Variants in FBXL7 observed in about 807,000 individuals in gnomAD.
FBXL7 encodes F-box and leucine rich repeat protein 7, also known as F-box/LRR-repeat protein 7.
A neutral mutation model predicts 38.3 loss-of-function variants in FBXL7; 12 were observed. That is an observed-to-expected ratio of 0.31 (90% CI 0.20 to 0.51). The LOEUF (loss-of-function observed/expected upper bound fraction) is 0.51, where lower values mean the gene tolerates loss of function less well. Ranked by LOEUF, FBXL7 falls within the 20% of genes least tolerant of loss-of-function variation. The pLI is 0.98. For missense variants in FBXL7, 567 were observed against 676.4 expected (o/e 0.84, Z 1.79); for synonymous variants, 297 against 300.9 (o/e 0.99, Z 0.13).
intron 1 of FBXL7, among the ~76,000 whole-genome samples, chr5:15,531,930 A>T (rs1277640342): frequency 6.6e-6 from 1 of 152,220 alleles, no homozygotes; most frequent in Non-Finnish European, 1.5e-5. Flanking sequence ...TTCAGGATTA[A>T]GAGTGTGTGA....
At chr5:15,536,814 G>A (rs1299919806) in intron 1 of FBXL7, among the ~76,000 whole-genome samples, 1 of 151,972 alleles carries the variant, frequency 6.6e-6, no homozygotes, top group African/African-American at 2.4e-5. Flanking sequence ...AAATATGAGA[G>A]GGATACGAGA....
intron 2 of FBXL7, among the ~76,000 whole-genome samples, chr5:15,670,951 T>C (rs968402300): frequency 6.6e-6 from 1 of 152,214 alleles, no homozygotes; most frequent in Admixed American, 6.5e-5. Flanking sequence ...TCAGCTCTTA[T>C]ACCCTGGTGG....
intron 2 of FBXL7, among the ~76,000 whole-genome samples, chr5:15,824,850 A>G (rs895836774): frequency 1.3e-5 from 2 of 152,192 alleles, no homozygotes; most frequent in African/African-American, 4.8e-5. Context: ...AAACTTTCAT[A>G]GCTTGAAGAC....
chr5:15,772,836 T>A (rs1736762280), intron 2 of FBXL7, among the ~76,000 whole-genome samples: 1 of 152,202 alleles, frequency 6.6e-6, no homozygotes, highest in African/African-American at 2.4e-5. Flanking sequence ...TACAGTCTTT[T>A]AGCTCTTCTT....
At chr5:15,821,316 A>C (rs1449763408) in intron 2 of FBXL7, among the ~76,000 whole-genome samples, 34 of 152,114 alleles carry the variant, frequency 2.2e-4, no homozygotes, top group Admixed American at 2.2e-3. Flanking sequence ...CCTGTTGTGA[A>C]GATTTCTTTT....
At chr5:15,836,778 T>C (rs1475059678) in intron 2 of FBXL7, among the ~76,000 whole-genome samples, 1 of 152,196 alleles carries the variant, frequency 6.6e-6, no homozygotes, top group East Asian at 1.9e-4. Flanking sequence ...GACTGGCCTG[T>C]GTCAGGTTTC....
At chr5:15,841,930 CA>C (rs1738759634) in intron 2 of FBXL7, among the ~76,000 whole-genome samples, 1 of 152,266 alleles carries the variant, frequency 6.6e-6, no homozygotes. Flanking sequence ...AGGTCTGTTT[CA>C]GGGGCGGAGC....
chr5:15,700,643 G>C (rs1286531258), intron 2 of FBXL7, among the ~76,000 whole-genome samples: 1 of 152,168 alleles, frequency 6.6e-6, no homozygotes, highest in Non-Finnish European at 1.5e-5. Context: ...CAGAAACACT[G>C]AGTTGCAGAT....
chr5:15,792,047 T>C (rs1737291415), intron 2 of FBXL7, among the ~76,000 whole-genome samples: 1 of 152,152 alleles, frequency 6.6e-6, no homozygotes, highest in Admixed American at 6.5e-5. Flanking sequence ...AATCACTGTG[T>C]CATCTTGGAG....
chr5:15,695,475 A>G (rs1282732030), intron 2 of FBXL7, among the ~76,000 whole-genome samples: 4 of 152,120 alleles, frequency 2.6e-5, no homozygotes, highest in African/African-American at 9.7e-5. Flanking sequence ...CCCAGTTCCC[A>G]TCGACAGTCC....
intron 2 of FBXL7, among the ~76,000 whole-genome samples, chr5:15,681,646 CT>C (rs1742848633): frequency 6.6e-6 from 1 of 152,056 alleles, no homozygotes; most frequent in Admixed American, 6.6e-5. Context: ...AACAAAACTG[CT>C]TTTATTTAGA....
At chr5:15,671,499 T>C (rs1333054809) in intron 2 of FBXL7, among the ~76,000 whole-genome samples, 1 of 152,172 alleles carries the variant, frequency 6.6e-6, no homozygotes, top group African/African-American at 2.4e-5. Flanking sequence ...GGCTAATAAA[T>C]ATTCTTAGTT....
chr5:15,747,757 T>G (rs924455), intron 2 of FBXL7, among the ~76,000 whole-genome samples: 1 of 151,812 alleles, frequency 6.6e-6, no homozygotes, highest in South Asian at 2.1e-4. Flanking sequence ...GGATCCAGGT[T>G]TTCCATCTGT....
intron 2 of FBXL7, among the ~76,000 whole-genome samples, chr5:15,708,943 T>C (rs9790923): frequency 0.053 from 8,057 of 152,270 alleles, 231 homozygotes; most frequent in East Asian, 0.085. Flanking sequence ...TAGGAGTTGT[T>C]GTCCCAGAAA....
chr5:15,652,909 G>A (rs562298796), intron 2 of FBXL7, among the ~76,000 whole-genome samples: 1 of 152,138 alleles, frequency 6.6e-6, no homozygotes, highest in Non-Finnish European at 1.5e-5. Flanking sequence ...AAGGATAAAT[G>A]CATGAGGTGA....
chr5:15,696,260 C>G (rs560581734), intron 2 of FBXL7, among the ~76,000 whole-genome samples: 2 of 152,176 alleles, frequency 1.3e-5, no homozygotes, highest in South Asian at 4.2e-4. Flanking sequence ...AAGTAAATAC[C>G]ATTTAGGATT....
At chr5:15,712,408 C>T (rs915303983) in intron 2 of FBXL7, among the ~76,000 whole-genome samples, 9 of 150,050 alleles carry the variant, frequency 6.0e-5, no homozygotes, top group Admixed American at 5.3e-4. Context: ...ACTGAAAAAC[C>T]TGATACATGA....
intron 2 of FBXL7, among the ~76,000 whole-genome samples, chr5:15,885,579 T>C (rs1740642421): frequency 6.6e-6 from 1 of 152,196 alleles, no homozygotes; most frequent in Admixed American, 6.5e-5. Flanking sequence ...ACCAAAGAAA[T>C]GTTGAAACTC....
chr5:15,727,780 T>G (rs1277966728), intron 2 of FBXL7, among the ~76,000 whole-genome samples: 1 of 152,170 alleles, frequency 6.6e-6, no homozygotes, highest in Non-Finnish European at 1.5e-5. Flanking sequence ...TTGGGAAGTT[T>G]CCAGCCATTA....
Sources: allele counts gnomAD v4.1 joint callset (sites outside exome capture counted in the v4.1 genomes callset), GRCh38; gene constraint gnomAD v4.1.1; transcripts MANE v1.5; gene names NCBI Gene and HGNC (gene_info 2026-07-23, HGNC 2026-07-21).